GRIP1: variants seen among roughly 807,000 people sequenced by gnomAD.
The protein encoded by GRIP1 is glutamate receptor interacting protein 1.
GRIP1 carries 45 observed loss-of-function variants against 129.9 expected under a neutral mutation model. That is an observed-to-expected ratio of 0.35 (90% CI 0.27 to 0.44). GRIP1 has a LOEUF of 0.44. GRIP1 is among the 20% of genes least tolerant of loss of function. The probability of loss-of-function intolerance (pLI) is 1.00; values close to 1 mark genes in which losing one functional copy is unlikely to be tolerated. For missense variants in GRIP1, 1,196 were observed against 1,396.8 expected, an observed-to-expected ratio of 0.86 and a Z score of 2.29; for synonymous variants, 530 against 520.8, an observed-to-expected ratio of 1.02 and a Z score of -0.24.
intron 4 of GRIP1, among the ~76,000 whole-genome samples, chr12:66,534,896 G>C (rs568469804): frequency 2.0e-5 from 3 of 152,234 alleles, no homozygotes; most frequent in African/African-American, 7.2e-5. Context: ...GTTTCACCAT[G>C]TTGGCCAGGC....
intron 1 of GRIP1, among the ~76,000 whole-genome samples, chr12:66,905,570 A>G (rs551381332): frequency 6.6e-6 from 1 of 152,232 alleles, no homozygotes; most frequent in Non-Finnish European, 1.5e-5. Context: ...TTCAATAGGA[A>G]ATAATTGCAA....
intron 14 of GRIP1, among the ~76,000 whole-genome samples, chr12:66,424,141 T>C (rs188570634): frequency 1.3e-4 from 20 of 152,314 alleles, no homozygotes; most frequent in African/African-American, 4.8e-4. Context: ...TCGTCATGTG[T>C]GTCTACAGCT....
intron 1 of GRIP1, among the ~76,000 whole-genome samples, chr12:66,749,621 T>C (rs1447617032): frequency 6.6e-6 from 1 of 152,210 alleles, no homozygotes; most frequent in Non-Finnish European, 1.5e-5. Context: ...TTGGCAGTTT[T>C]GCCACTTGGG....
intron 1 of GRIP1, among the ~76,000 whole-genome samples, chr12:66,664,534 T>G (rs551557216): frequency 1.3e-5 from 2 of 152,168 alleles, no homozygotes; most frequent in East Asian, 3.9e-4. Context: ...GCTAGAGAAC[T>G]AAAATGTGCC....
chr12:66,844,374 A>T (rs2039776263), intron 1 of GRIP1, among the ~76,000 whole-genome samples: 1 of 152,200 alleles, frequency 6.6e-6, no homozygotes, highest in African/African-American at 2.4e-5. Flanking sequence ...GGAATACGCA[A>T]ATCAAAACCA....
At chr12:67,060,846 T>A (rs963470145) in intron 1 of GRIP1, among the ~76,000 whole-genome samples, 47 of 84,260 alleles carry the variant, frequency 5.6e-4, no homozygotes, top group African/African-American at 1.9e-3. Context: ...AAAAAAAAAA[T>A]GTGTTGGCAG....
In GRIP1 at chr12:66,990,976, G is replaced by A. The variant is rs192996927; in HGVS notation, c.58+78074C>T. On this transcript the variant is annotated intron_variant, in intron 1 of 1. Transcript: ENST00000643019. Reference sequence around the variant, plus strand: ...TGGGCAACAAGAGCTAAACTCCGTCGCAAAAAAAAAAAAAAGAAAGAAAAA... The same window carrying A: ...TGGGCAACAAGAGCTAAACTCCGTCACAAAAAAAAAAAAAAGAAAGAAAAA... Among the ~76,000 whole-genome samples, 163 of 121,700 alleles carry A rather than the reference G, an allele frequency of 1.3e-3. 2 individuals are homozygous for A. The East Asian group carries it at 0.032, about 24-fold the overall frequency. 79.8% of individuals were successfully genotyped at this position (121,700 alleles called of 152,430 possible). A position where few individuals can be genotyped will look rare whatever the true frequency, so the allele number is the denominator to read the frequency against.
upstream of GRIP1, among the ~76,000 whole-genome samples, chr12:66,680,957 T>C (rs113187711): frequency 4.9e-3 from 727 of 147,952 alleles, 6 homozygotes; most frequent in African/African-American, 0.017. Context: ...CTTTTCCTAA[T>C]ATGCTTATTT....
chr12:66,849,723 A>G (rs759960285), intron 1 of GRIP1, among the ~76,000 whole-genome samples: 5 of 152,226 alleles, frequency 3.3e-5, no homozygotes, highest in African/African-American at 4.8e-5. Context: ...ATAAATACAT[A>G]AATGTTTACC....
chr12:66,929,184 C>T (rs1241345774), intron 1 of GRIP1, among the ~76,000 whole-genome samples: 1 of 152,178 alleles, frequency 6.6e-6, no homozygotes, highest in Non-Finnish European at 1.5e-5. Context: ...CTACAGATCA[C>T]TTCTTGAACA....
chr12:66,993,788 CAAAAA>C (rs3051204), intron 1 of GRIP1, among the ~76,000 whole-genome samples: 1 of 116,154 alleles, frequency 8.6e-6, no homozygotes, highest in Non-Finnish European at 1.8e-5. Context: ...GAGGCTGTCT[CAAAAA>C]AAAAAAAAAA....
At chr12:66,757,178 T>C (rs1400584224) in intron 1 of GRIP1, among the ~76,000 whole-genome samples, 1 of 152,170 alleles carries the variant, frequency 6.6e-6, no homozygotes, top group Non-Finnish European at 1.5e-5. Context: ...TATCAAATAC[T>C]AGATCTTATT....
At chr12:66,596,522 G>A (rs2064056887) in intron 2 of GRIP1, among the ~76,000 whole-genome samples, 8 of 152,184 alleles carry the variant, frequency 5.3e-5, no homozygotes, top group Admixed American at 5.2e-4. Flanking sequence ...GCTCAGTAAA[G>A]AAATGGATGC....
At chr12:67,030,205 TG>T (rs1198731429) in intron 1 of GRIP1, among the ~76,000 whole-genome samples, 11 of 138,616 alleles carry the variant, frequency 7.9e-5, no homozygotes, top group Non-Finnish European at 1.4e-4. Flanking sequence ...AGCGAGACTC[TG>T]TCTCAAATAA....
At chr12:66,444,755 T>C (rs1460728431) in intron 12 of GRIP1, 26 bp from the exon 13 acceptor site, 3 of 1,612,174 alleles carry the variant, frequency 1.9e-6, no homozygotes, top group Non-Finnish European at 2.5e-6. Flanking sequence ...ATGTGAGAGG[T>C]TGTAGATGGA....
intron 14 of GRIP1, among the ~76,000 whole-genome samples, chr12:66,429,973 T>A (rs983511932): frequency 1.3e-5 from 2 of 152,222 alleles, no homozygotes; most frequent in African/African-American, 4.8e-5. Context: ...TCTAAGTCAG[T>A]CTTTCTTCTG....
chr12:66,945,560 G>A (rs2041654869), intron 1 of GRIP1, among the ~76,000 whole-genome samples: 1 of 152,052 alleles, frequency 6.6e-6, no homozygotes, highest in Non-Finnish European at 1.5e-5. Context: ...GCAGAAGCAA[G>A]AGAGTGGGAG....
At chr12:66,802,781 A>AT (rs1382909247) in intron 1 of GRIP1, among the ~76,000 whole-genome samples, 1 of 152,186 alleles carries the variant, frequency 6.6e-6, no homozygotes, top group Non-Finnish European at 1.5e-5. Context: ...ATCTGACAAT[A>AT]TTTTTTGATG....
At chr12:66,957,657 T>A (rs563839454) in intron 1 of GRIP1, among the ~76,000 whole-genome samples, 14 of 152,252 alleles carry the variant, frequency 9.2e-5, no homozygotes, top group Non-Finnish European at 1.9e-4. Context: ...TGGTCATAGG[T>A]TCTGAAGAGT....
Sources: gnomAD v4.1 joint callset for allele counts (sites outside exome capture counted in the v4.1 genomes callset) on GRCh38, gnomAD v4.1.1 for gene constraint, MANE v1.5 for transcripts, NCBI Gene and HGNC (gene_info 2026-07-23, HGNC 2026-07-21) for gene names.